Variants in PBX1 observed in about 807,000 individuals in gnomAD.
PBX1 encodes PBX homeobox 1, also known as pre-B-cell leukemia transcription factor 1.
In PBX1, 6 loss-of-function variants were observed where a neutral mutation model predicts 53.4. The observed-to-expected ratio is 0.11, with a 90% CI of 0.06 to 0.22. The LOEUF is 0.22. Among genes scored for constraint, PBX1 ranks in the 10% least tolerant of loss-of-function variants. The probability of loss-of-function intolerance (pLI) is 1.00; values close to 1 mark genes in which losing one functional copy is unlikely to be tolerated. For missense variants in PBX1, 251 were observed against 551.4 expected, an observed-to-expected ratio of 0.46 and a Z score of 5.46; for synonymous variants, 204 against 212.3, an observed-to-expected ratio of 0.96 and a Z score of 0.34.
intron 2 of PBX1, among the ~76,000 whole-genome samples, chr1:164,745,144 A>C (rs1665826841): frequency 6.6e-6 from 1 of 152,174 alleles, no homozygotes; most frequent in African/African-American, 2.4e-5. Flanking sequence ...GCTATGCCAC[A>C]TTGCCTCTCC....
intron 2 of PBX1, among the ~76,000 whole-genome samples, chr1:164,765,024 T>C (rs951190391): frequency 1.3e-5 from 2 of 152,158 alleles, no homozygotes; most frequent in African/African-American, 4.8e-5. Context: ...GGTTTCCATA[T>C]AGTTATAGGT....
intron 2 of PBX1, among the ~76,000 whole-genome samples, chr1:164,747,536 G>A (rs1206908005): frequency 6.6e-6 from 1 of 152,104 alleles, no homozygotes; most frequent in African/African-American, 2.4e-5. Flanking sequence ...TTGACTTTGT[G>A]TGTCCTTAAG....
At chr1:164,595,819 A>G (rs1186215874) in intron 2 of PBX1, among the ~76,000 whole-genome samples, 1 of 152,218 alleles carries the variant, frequency 6.6e-6, no homozygotes, top group African/African-American at 2.4e-5. Flanking sequence ...GGCTCATAAG[A>G]AAAGAATGAC....
rs187154817 is a variant in PBX1 at position 164,575,680 on chromosome 1, T to A, written c.265+12369T>A. ...TACATCCATTCTGAAAGGCACTCTA[T>A]GGATATGAGGGTGTAGACGTTAATT... On this transcript the variant is annotated intron_variant, in intron 2 of 8. Transcript: ENST00000420696. Among the ~76,000 whole-genome samples the A allele has an allele frequency of 2.3e-3, 352 of 152,312 alleles. 1 individual carries two copies. In the Middle Eastern group the frequency reaches 0.027, roughly 12 times the overall value.
chr1:164,841,901 G>T (rs1336091783), intron 8 of PBX1, among the ~76,000 whole-genome samples: 1 of 152,132 alleles, frequency 6.6e-6, no homozygotes, highest in Non-Finnish European at 1.5e-5. Flanking sequence ...TCTAGTAATG[G>T]CATCTGGCCC....
intron 2 of PBX1, among the ~76,000 whole-genome samples, chr1:164,672,208 G>A (rs765259533): frequency 6.6e-6 from 1 of 151,740 alleles, no homozygotes; most frequent in Non-Finnish European, 1.5e-5. Flanking sequence ...CACCAGAGAG[G>A]GCCACTGCAT....
At chr1:164,695,711 T>C (rs972975594) in intron 2 of PBX1, among the ~76,000 whole-genome samples, 1 of 152,344 alleles carries the variant, frequency 6.6e-6, no homozygotes, top group African/African-American at 2.4e-5. Flanking sequence ...GCTGAACATA[T>C]GGTAGGTGCT....
At chr1:164,588,590 G>GT (rs1259668445) in intron 2 of PBX1, among the ~76,000 whole-genome samples, 2 of 141,714 alleles carry the variant, frequency 1.4e-5, no homozygotes, top group East Asian at 2.2e-4. Flanking sequence ...AGTTTCATCT[G>GT]TTTTTTTCCC....
At chr1:164,626,172 C>A in intron 2 of PBX1, 1 of 893,954 alleles carries the variant, frequency 1.1e-6, no homozygotes, top group Non-Finnish European at 1.4e-6. Flanking sequence ...CCCCTTTTAT[C>A]TTTAAGGATT....
chr1:164,757,087 C>A (rs2102211270), intron 2 of PBX1, among the ~76,000 whole-genome samples: 1 of 151,920 alleles, frequency 6.6e-6, no homozygotes, highest in South Asian at 2.1e-4. Context: ...ATTTATAGGG[C>A]CTCCCATTTT....
At chr1:164,689,858 C>T (rs140022720) in intron 2 of PBX1, among the ~76,000 whole-genome samples, 4 of 152,092 alleles carry the variant, frequency 2.6e-5, no homozygotes, top group African/African-American at 9.7e-5. Flanking sequence ...ATCCCTCCCC[C>T]TCCCCTTGAG....
intron 8 of PBX1, among the ~76,000 whole-genome samples, chr1:164,831,950 G>A (rs1670789048): frequency 6.6e-6 from 1 of 152,108 alleles, no homozygotes; most frequent in African/African-American, 2.4e-5. Flanking sequence ...CTCATGTTCT[G>A]ATATGGTGAG....
At chr1:164,664,605 G>A (rs568517686) in intron 2 of PBX1, among the ~76,000 whole-genome samples, 27 of 152,268 alleles carry the variant, frequency 1.8e-4, no homozygotes, top group Non-Finnish European at 2.6e-4. Flanking sequence ...TATTCTGGTC[G>A]TGATGGTATG....
At chr1:164,874,637 G>C (rs555359804) in intron 2 of PBX1, among the ~76,000 whole-genome samples, 1 of 152,184 alleles carries the variant, frequency 6.6e-6, no homozygotes, top group South Asian at 2.1e-4. Flanking sequence ...TGGAATTCAG[G>C]CGTACGTCAC....
intron 2 of PBX1, among the ~76,000 whole-genome samples, chr1:164,608,770 A>C (rs1465542194): frequency 3.3e-5 from 5 of 152,144 alleles, no homozygotes; most frequent in Admixed American, 3.3e-4. Context: ...ACACCTTGTG[A>C]TTCAGAGGGG....
At chr1:164,819,716 G>A (rs1409537727) in intron 6 of PBX1, 1 of 175,188 alleles carries the variant, frequency 5.7e-6, no homozygotes, top group Non-Finnish European at 1.2e-5. Context: ...GTGGTCCCCT[G>A]GCCAACCCTA....
In PBX1 at chr1:164,875,993, T is replaced by TACAC. The variant is rs1350919648; in HGVS notation, n.258-23194_258-23193insCACA. On this transcript the variant is annotated intron_variant and non_coding_transcript_variant, in intron 2 of 2. Transcript: ENST00000558796. Reference sequence around the variant, plus strand: ...TATATATATTTGGTGTATGTGTATATATATATATATATACACACATACACC... The same window carrying TACAC: ...TATATATATTTGGTGTATGTGTATATACACATATATATATATACACACATACACC... Among the ~76,000 whole-genome samples, 5 of 54,010 alleles carry TACAC rather than the reference T, an allele frequency of 9.3e-5. 1 individual carries two copies. The highest frequency in any genetic ancestry group is 2.6e-4 in the Non-Finnish European group (4 of 15,272). The allele number at this position is 54,010 out of a possible 152,430, so 35.4% of individuals were successfully genotyped here. A position where few individuals can be genotyped will look rare whatever the true frequency, so the allele number is the denominator to read the frequency against.
intron 2 of PBX1, among the ~76,000 whole-genome samples, chr1:164,638,295 A>G (rs1658906709): frequency 6.6e-6 from 1 of 152,256 alleles, no homozygotes; most frequent in Non-Finnish European, 1.5e-5. Context: ...TGCCCTAGCC[A>G]TAGTGAGAGG....
At chr1:164,705,025 G>A (rs1663344677) in intron 2 of PBX1, among the ~76,000 whole-genome samples, 1 of 152,236 alleles carries the variant, frequency 6.6e-6, no homozygotes, top group African/African-American at 2.4e-5. Context: ...TGTAACATTT[G>A]TGATAATCTA....
Sources: gnomAD v4.1 joint callset for allele counts (sites outside exome capture counted in the v4.1 genomes callset) on GRCh38, gnomAD v4.1.1 for gene constraint, MANE v1.5 for transcripts, NCBI Gene and HGNC (gene_info 2026-07-23, HGNC 2026-07-21) for gene names.